Variants in GLIS3 observed in about 807,000 individuals in gnomAD.
GLIS3 encodes zinc finger protein GLIS3.
A neutral mutation model predicts 78.6 loss-of-function variants in GLIS3; 53 were observed. The ratio of observed to expected loss-of-function variants is 0.67; its 90% CI spans 0.54 to 0.85. The LOEUF is 0.85. GLIS3 is among the 40% of genes least tolerant of loss of function. GLIS3 has a pLI of 0.00. For synonymous variants in GLIS3, 684 were observed against 509.9 expected (o/e 1.34, Z -4.60); for missense variants, 1,703 against 1,231.1 (o/e 1.38, Z -5.74).
intron 2 of GLIS3, among the ~76,000 whole-genome samples, chr9:4,281,040 GTAAACAACTCAA>G (rs1455236005): frequency 6.6e-6 from 1 of 152,166 alleles, no homozygotes; most frequent in Non-Finnish European, 1.5e-5. Flanking sequence ...GTAGTTAGGT[GTAAACAACTCAA>G]TAACATGTAT....
rs1314603557 is a variant in GLIS3, at chr9:4,286,079, T to C, written c.347A>G (p.Gln116Arg). Residue 116 changes from glutamine to arginine, a missense_variant, in exon 2 of 11, where the codon CAG becomes CGG. Physicochemically the swap from Gln to Arg is conservative, Grantham distance 43. Transcript: ENST00000381971. ...AGGAAAAGGGCTTCCAAACTCCTGC[T>C]GCTTTGGCTTTAAAGTATGTGACCC... ...MSGSHTLKPK[Q>R]QEFGSPFPPN... is the part of the protein sequence containing the mutation. The C allele has an allele frequency of 6.2e-7, 1 of 1,613,640 alleles. No individual in the cohort carries two copies. Among genetic ancestry groups the C allele is most frequent in the African/African-American group, 1.3e-5 (1 of 74,874 alleles).
At chr9:4,468,033 T>G in the GLIS3 span, among the ~76,000 whole-genome samples, 2 of 152,168 alleles carry the variant, frequency 1.3e-5, no homozygotes, top group East Asian at 1.9e-4. Flanking sequence ...GGAAGAAAGG[T>G]TATCAGTGAT....
At chr9:4,229,652 T>A (rs1563793840) in intron 2 of GLIS3, among the ~76,000 whole-genome samples, 1 of 152,270 alleles carries the variant, frequency 6.6e-6, no homozygotes, top group Non-Finnish European at 1.5e-5. Flanking sequence ...ATTTGCTTTT[T>A]AAAGAGCTTT....
At chr9:4,428,894 A>G in the GLIS3 span, among the ~76,000 whole-genome samples, 1 of 152,288 alleles carries the variant, frequency 6.6e-6, no homozygotes, top group African/African-American at 2.4e-5. Context: ...ATTAAGGCAC[A>G]TGAGTTGTCC....
At chr9:3,968,259 T>C (rs1471835625) in intron 4 of GLIS3, among the ~76,000 whole-genome samples, 2 of 152,206 alleles carry the variant, frequency 1.3e-5, no homozygotes, top group Non-Finnish European at 2.9e-5. Flanking sequence ...CTTTCAAAGT[T>C]CTTCTAACTG....
intron 2 of GLIS3, among the ~76,000 whole-genome samples, chr9:4,265,904 T>TTTTG (rs1554642315): frequency 2.6e-4 from 20 of 76,382 alleles, no homozygotes; most frequent in African/African-American, 9.7e-4. Flanking sequence ...CTGGTTTTTT[T>TTTTG]TTTGTTTGTC....
At chr9:4,405,260 A>G in the GLIS3 span, among the ~76,000 whole-genome samples, 2 of 152,090 alleles carry the variant, frequency 1.3e-5, no homozygotes, top group African/African-American at 2.4e-5. Context: ...AGGCTGAGGC[A>G]GGAGAATCAC....
intron 4 of GLIS3, among the ~76,000 whole-genome samples, chr9:3,956,091 C>T (rs1448519860): frequency 2.0e-5 from 3 of 150,282 alleles, no homozygotes; most frequent in Non-Finnish European, 3.0e-5. Flanking sequence ...GGTCAAACTA[C>T]CTGCTTACAT....
intron 2 of GLIS3, among the ~76,000 whole-genome samples, chr9:4,321,513 A>G (rs1817528647): frequency 1.4e-5 from 2 of 143,198 alleles, no homozygotes; most frequent in South Asian, 4.7e-4. Context: ...ATGTTATGCT[A>G]TTAAATTACC....
chr9:4,363,718 T>A, the GLIS3 span, among the ~76,000 whole-genome samples: 1 of 152,204 alleles, frequency 6.6e-6, no homozygotes, highest in Non-Finnish European at 1.5e-5. Flanking sequence ...GTACACTGGT[T>A]CACGTCTTTG....
At chr9:4,339,029 C>A (rs1323981846) in intron 2 of GLIS3, among the ~76,000 whole-genome samples, 1 of 152,180 alleles carries the variant, frequency 6.6e-6, no homozygotes. Context: ...TTTCAAGGAC[C>A]CTCCTGGTGA....
intron 6 of GLIS3, among the ~76,000 whole-genome samples, chr9:3,918,024 T>G (rs984951908): frequency 6.6e-6 from 1 of 152,188 alleles, no homozygotes; most frequent in African/African-American, 2.4e-5. Context: ...TATCAAATCA[T>G]GAGATAACTG....
chr9:4,479,510 A>G, the GLIS3 span, among the ~76,000 whole-genome samples: 4 of 152,192 alleles, frequency 2.6e-5, no homozygotes, highest in Non-Finnish European at 5.9e-5. Context: ...CAAATATGCA[A>G]GTCTGTACAT....
chr9:4,183,005 G>A (rs973742996), intron 2 of GLIS3, among the ~76,000 whole-genome samples: 4 of 152,162 alleles, frequency 2.6e-5, no homozygotes, highest in Admixed American at 6.5e-5. Context: ...TTTCTCAATC[G>A]CAGTGAAGGA....
intron 2 of GLIS3, among the ~76,000 whole-genome samples, chr9:4,168,336 T>C (rs1006240357): frequency 6.6e-6 from 1 of 152,222 alleles, no homozygotes. Context: ...TAAGATATTT[T>C]TGACTTGAGA....
At chr9:4,427,125 T>C in the GLIS3 span, among the ~76,000 whole-genome samples, 3 of 152,230 alleles carry the variant, frequency 2.0e-5, no homozygotes, top group Non-Finnish European at 4.4e-5. Flanking sequence ...GACAGTAGTG[T>C]TGCCATCTAT....
intron 1 of GLIS3, among the ~76,000 whole-genome samples, chr9:4,289,083 A>G (rs1212645807): frequency 2.0e-5 from 3 of 152,224 alleles, no homozygotes; most frequent in East Asian, 3.8e-4. Flanking sequence ...AAATGCTATT[A>G]TAACTTTTAA....
chr9:4,480,375 T>G, the GLIS3 span, among the ~76,000 whole-genome samples: 1 of 152,014 alleles, frequency 6.6e-6, no homozygotes, highest in Non-Finnish European at 1.5e-5. Flanking sequence ...TGTCTAACTT[T>G]ATTTTTTGTA....
At chr9:4,407,493 AAC>A in the GLIS3 span, among the ~76,000 whole-genome samples, 13 of 151,998 alleles carry the variant, frequency 8.6e-5, no homozygotes, top group African/African-American at 2.7e-4. Flanking sequence ...AAAATACAAA[AAC>A]AATTAGCCGG....
Sources: allele counts gnomAD v4.1 joint callset (sites outside exome capture counted in the v4.1 genomes callset), GRCh38; gene constraint gnomAD v4.1.1; transcripts MANE v1.5; gene names NCBI Gene and HGNC (gene_info 2026-07-23, HGNC 2026-07-21).